ADAMTS12: variants seen among roughly 807,000 people sequenced by gnomAD.
ADAMTS12 encodes the protein ADAM metallopeptidase with thrombospondin type 1 motif 12, also known as A disintegrin and metalloproteinase with thrombospondin motifs 12.
Under a neutral mutation model 167.8 loss-of-function variants are expected in ADAMTS12, and 118 were observed. The observed-to-expected ratio is 0.70, with a 90% CI of 0.61 to 0.82. The LOEUF is 0.82. ADAMTS12 is among the 40% of genes least tolerant of loss of function. The pLI is 0.00. For missense variants in ADAMTS12, 1,916 were observed against 1,998.8 expected (o/e 0.96, Z 0.79); for synonymous variants, 704 against 716.9 (o/e 0.98, Z 0.29).
intron 3 of ADAMTS12, among the ~76,000 whole-genome samples, chr5:33,734,803 G>T (rs1208691320): frequency 1.3e-5 from 2 of 152,188 alleles, no homozygotes; most frequent in Non-Finnish European, 2.9e-5. Flanking sequence ...TGGGGTGTCT[G>T]CTCAGGGCTT....
chr5:33,529,140 G>T (rs1446909972), intron 23 of ADAMTS12, among the ~76,000 whole-genome samples: 4 of 152,236 alleles, frequency 2.6e-5, no homozygotes, highest in African/African-American at 7.2e-5. Context: ...ACTTTACCAT[G>T]GAGGTGAAGG....
chr5:33,550,931 A>G (rs1362710464), intron 20 of ADAMTS12, among the ~76,000 whole-genome samples: 1 of 152,140 alleles, frequency 6.6e-6, no homozygotes, highest in East Asian at 1.9e-4. Context: ...CCAGTGGGCT[A>G]AAGAGATCTC....
intron 20 of ADAMTS12, among the ~76,000 whole-genome samples, chr5:33,560,346 T>C (rs938951932): frequency 3.3e-5 from 5 of 152,232 alleles, no homozygotes; most frequent in African/African-American, 1.2e-4. Flanking sequence ...AGTTCAGCCA[T>C]TGTGGAAGTC....
At chr5:33,695,547 A>G (rs1488215808) in intron 3 of ADAMTS12, among the ~76,000 whole-genome samples, 1 of 152,220 alleles carries the variant, frequency 6.6e-6, no homozygotes, top group Non-Finnish European at 1.5e-5. Flanking sequence ...ATACTACAAC[A>G]TGGATGAATC....
rs568709737 is a variant in ADAMTS12, at chr5:33,532,429, T to C, written c.4606+2404A>G. Among the ~76,000 whole-genome samples the C allele has an allele frequency of 2.0e-5, 3 of 152,138 alleles. No homozygotes were observed. The East Asian group carries it at 5.8e-4, about 29-fold the overall frequency. ...TTCTTTACTAGAAAATTTACCGACTTAAATGTTCATCTGTATCAACATTGG... is the reference window on the plus strand; with the variant it reads ...TTCTTTACTAGAAAATTTACCGACTCAAATGTTCATCTGTATCAACATTGG... On this transcript the variant is annotated intron_variant, in intron 23 of 23. Coordinates refer to ENST00000504830, the MANE Select transcript of ADAMTS12 (RefSeq NM_030955.4).
chr5:33,779,967 C>T (rs73759099), intron 2 of ADAMTS12, among the ~76,000 whole-genome samples: 4,547 of 152,100 alleles, frequency 0.03, 192 homozygotes, highest in East Asian at 0.14. Context: ...AAATTTGCTA[C>T]GAGAGTAGAT....
rs141643330 is a variant in ADAMTS12, at chr5:33,717,927, C to T, written c.634+33477G>A. On this transcript the variant is annotated intron_variant, in intron 3 of 23. Transcript: ENST00000504830. ...TTTGTCATAGCTGTGACCCACACTA[C>T]TGCCTAGTTTCCCATACTTATCTCC... is the stretch of plus-strand genomic sequence containing the variant. Among the ~76,000 whole-genome samples, 497 of 152,310 alleles carry T rather than the reference C, an allele frequency of 3.3e-3. 2 individuals carry two copies. The highest frequency in any genetic ancestry group is 5.6e-3 in the South Asian group (27 of 4,832).
intron 3 of ADAMTS12, among the ~76,000 whole-genome samples, chr5:33,706,514 G>C (rs1458948597): frequency 6.6e-6 from 1 of 152,058 alleles, no homozygotes; most frequent in Non-Finnish European, 1.5e-5. Context: ...GACTAGGATT[G>C]CAACCCCTCT....
intron 2 of ADAMTS12, among the ~76,000 whole-genome samples, chr5:33,837,120 T>C (rs1236547290): frequency 6.6e-6 from 1 of 152,106 alleles, no homozygotes; most frequent in Non-Finnish European, 1.5e-5. Flanking sequence ...CACTGTGTGC[T>C]TTAAAAAAGT....
At chr5:33,573,687 C>T (rs1192492988) in intron 19 of ADAMTS12, among the ~76,000 whole-genome samples, 2 of 152,114 alleles carry the variant, frequency 1.3e-5, no homozygotes, top group African/African-American at 4.8e-5. Context: ...TAGGCATGGG[C>T]AAGGACTTCA....
At chr5:33,530,013 G>A (rs1283378762) in intron 23 of ADAMTS12, among the ~76,000 whole-genome samples, 8 of 152,078 alleles carry the variant, frequency 5.3e-5, no homozygotes, top group Admixed American at 2.6e-4. Context: ...TCTGCCTCCC[G>A]GGTTCAAGCA....
chr5:33,569,087 C>T (rs1200271334), intron 19 of ADAMTS12, among the ~76,000 whole-genome samples: 3 of 152,260 alleles, frequency 2.0e-5, no homozygotes, highest in Admixed American at 6.5e-5. Flanking sequence ...AACAAAGCAG[C>T]CAGGAAGCTC....
At chr5:33,609,415 G>C (rs1249375771) in intron 16 of ADAMTS12, among the ~76,000 whole-genome samples, 1 of 148,294 alleles carries the variant, frequency 6.7e-6, no homozygotes, top group Non-Finnish European at 1.5e-5. Context: ...CTGTTGCCCA[G>C]GCTGGAGTGC....
chr5:33,527,913 C>T (rs256605), intron 23 of ADAMTS12, among the ~76,000 whole-genome samples: 74,420 of 151,888 alleles, frequency 0.49, 20,409 homozygotes, highest in African/African-American at 0.73. Flanking sequence ...CCTATAGATG[C>T]TCAGCAAAAA....
intron 2 of ADAMTS12, among the ~76,000 whole-genome samples, chr5:33,868,231 C>T (rs2111723399): frequency 6.6e-6 from 1 of 152,206 alleles, no homozygotes; most frequent in African/African-American, 2.4e-5. Flanking sequence ...TGGGTCATTG[C>T]TATAAAGATA....
At chr5:33,643,566 C>A (rs1436031491) in intron 9 of ADAMTS12, 96 bp from the exon 10 acceptor site, 3 of 1,024,594 alleles carry the variant, frequency 2.9e-6, no homozygotes, top group Admixed American at 3.9e-5. Flanking sequence ...CACACACTCA[C>A]AATAAATGCC....
At chr5:33,790,231 T>C (rs1040783460) in intron 2 of ADAMTS12, among the ~76,000 whole-genome samples, 8 of 152,208 alleles carry the variant, frequency 5.3e-5, no homozygotes, top group Non-Finnish European at 8.8e-5. Flanking sequence ...CATTGGCTAA[T>C]TGCAGAAACC....
chr5:33,668,869 T>C (rs771486714), intron 5 of ADAMTS12, among the ~76,000 whole-genome samples: 4 of 152,200 alleles, frequency 2.6e-5, no homozygotes, highest in Admixed American at 6.5e-5. Flanking sequence ...ACTTGTAACT[T>C]TCCCACTGAT....
At chr5:33,629,116 T>A (rs904519397) in intron 13 of ADAMTS12, among the ~76,000 whole-genome samples, 1 of 152,190 alleles carries the variant, frequency 6.6e-6, no homozygotes, top group Non-Finnish European at 1.5e-5. Flanking sequence ...CCCTGGTGAT[T>A]ATTATATGCA....
Sources: gnomAD v4.1 joint callset for allele counts (sites outside exome capture counted in the v4.1 genomes callset) on GRCh38, gnomAD v4.1.1 for gene constraint, MANE v1.5 for transcripts, NCBI Gene and HGNC (gene_info 2026-07-23, HGNC 2026-07-21) for gene names.